MACROD2: variants seen among roughly 807,000 people sequenced by gnomAD.
The protein encoded by MACROD2 is ADP-ribose glycohydrolase MACROD2.
A neutral mutation model predicts 70.4 loss-of-function variants in MACROD2; 36 were observed. The ratio of observed to expected loss-of-function variants is 0.51; its 90% CI spans 0.39 to 0.68. The LOEUF (loss-of-function observed/expected upper bound fraction) is 0.68. Among genes scored for constraint, MACROD2 ranks in the 30% least tolerant of loss-of-function variants. MACROD2 has a pLI of 0.00. For missense variants in MACROD2, 496 were observed against 538.4 expected, an observed-to-expected ratio of 0.92 and a Z score of 0.78; for synonymous variants, 172 against 178.8, an observed-to-expected ratio of 0.96 and a Z score of 0.30.
At chr20:14,971,611 C>T (rs1362251464) in intron 5 of MACROD2, among the ~76,000 whole-genome samples, 1 of 152,004 alleles carries the variant, frequency 6.6e-6, no homozygotes, top group African/African-American at 2.4e-5. Flanking sequence ...GGGCAGGTCT[C>T]ACTTGGGGTC....
intron 4 of MACROD2, among the ~76,000 whole-genome samples, chr20:14,666,021 T>TA (rs888364712): frequency 6.6e-6 from 1 of 152,096 alleles, no homozygotes; most frequent in Non-Finnish European, 1.5e-5. Flanking sequence ...ATATGCTTTT[T>TA]AAAAAAACCC....
At chr20:15,557,665 A>G (rs1568890606) in intron 8 of MACROD2, among the ~76,000 whole-genome samples, 1 of 152,344 alleles carries the variant, frequency 6.6e-6, no homozygotes, top group South Asian at 2.1e-4. Context: ...ATGGTCACAC[A>G]TGTTTACTAT....
intron 4 of MACROD2, among the ~76,000 whole-genome samples, chr20:14,637,260 T>C (rs1472322592): frequency 1.3e-5 from 2 of 152,186 alleles, no homozygotes; most frequent in Non-Finnish European, 2.9e-5. Flanking sequence ...TACTGGTATA[T>C]GTGTCTCCAG....
chr20:15,430,538 C>T (rs901763172), intron 6 of MACROD2, among the ~76,000 whole-genome samples: 2 of 151,998 alleles, frequency 1.3e-5, no homozygotes, highest in Non-Finnish European at 2.9e-5. Flanking sequence ...TTGCCATACC[C>T]AGACCACTTT....
At chr20:15,154,991 C>G (rs548862070) in intron 5 of MACROD2, among the ~76,000 whole-genome samples, 2 of 152,140 alleles carry the variant, frequency 1.3e-5, no homozygotes, top group South Asian at 4.1e-4. Flanking sequence ...TGGCTGAAAT[C>G]TAGGCTGAAT....
At chr20:15,772,142 C>A (rs1419619281) in intron 8 of MACROD2, among the ~76,000 whole-genome samples, 14 of 136,294 alleles carry the variant, frequency 1.0e-4, no homozygotes, top group African/African-American at 3.2e-4. Flanking sequence ...CTTTTGTATT[C>A]AATGAGGCCA....
At chr20:14,547,159 C>G (rs1267208912) in intron 4 of MACROD2, 5 of 239,126 alleles carry the variant, frequency 2.1e-5, no homozygotes, top group Non-Finnish European at 4.0e-5. Context: ...ATGTGGTTCA[C>G]TCGAAGTCAG....
intron 4 of MACROD2, chr20:14,547,619 G>A (rs944728704): frequency 6.5e-6 from 1 of 153,504 alleles, no homozygotes; most frequent in Non-Finnish European, 1.5e-5. Context: ...GATGTCATCC[G>A]AGGAGTGGAA....
At chr20:15,390,448 A>G (rs538918512) in intron 6 of MACROD2, among the ~76,000 whole-genome samples, 4 of 152,256 alleles carry the variant, frequency 2.6e-5, no homozygotes, top group Non-Finnish European at 5.9e-5. Flanking sequence ...TTCTCTCACC[A>G]CTAGAATCTA....
At chr20:15,480,265 C>T (rs746454887) in intron 7 of MACROD2, among the ~76,000 whole-genome samples, 4 of 152,100 alleles carry the variant, frequency 2.6e-5, no homozygotes, top group Admixed American at 6.6e-5. Flanking sequence ...CCCCTTAAAA[C>T]TGGCCAAATG....
chr20:15,572,403 A>G (rs1293291740), intron 8 of MACROD2, among the ~76,000 whole-genome samples: 1 of 151,946 alleles, frequency 6.6e-6, no homozygotes, highest in East Asian at 1.9e-4. Flanking sequence ...AAAATTAACC[A>G]TTTCTCATAT....
intron 8 of MACROD2, among the ~76,000 whole-genome samples, chr20:15,812,139 G>T (rs1210430591): frequency 6.6e-6 from 1 of 152,230 alleles, no homozygotes; most frequent in Non-Finnish European, 1.5e-5. Context: ...AGCTGCTTAT[G>T]AGATTGTAAA....
intron 8 of MACROD2, among the ~76,000 whole-genome samples, chr20:15,636,977 T>A (rs905292863): frequency 6.6e-6 from 1 of 152,206 alleles, no homozygotes; most frequent in Admixed American, 6.5e-5. Context: ...GCCACTTCAC[T>A]GCTGAAGGTG....
At chr20:14,757,793 C>G in intron 5 of MACROD2, 1 of 1,531,730 alleles carries the variant, frequency 6.5e-7, no homozygotes, top group South Asian at 1.1e-5. Flanking sequence ...TATCCAGTAT[C>G]TCCGTGATTA....
chr20:14,844,469 A>G (rs2088343549), intron 5 of MACROD2, among the ~76,000 whole-genome samples: 1 of 151,966 alleles, frequency 6.6e-6, no homozygotes, highest in African/African-American at 2.4e-5. Context: ...GTGAGCCAAG[A>G]TGGCGCCACT....
intron 6 of MACROD2, among the ~76,000 whole-genome samples, chr20:15,426,145 A>G (rs978481520): frequency 6.7e-6 from 1 of 149,474 alleles, no homozygotes; most frequent in Non-Finnish European, 1.5e-5. Context: ...TCCCTCCACT[A>G]TTGTCCTATG....
chr20:15,271,461 C>T (rs915041190), intron 6 of MACROD2, among the ~76,000 whole-genome samples: 3 of 152,130 alleles, frequency 2.0e-5, no homozygotes, highest in African/African-American at 7.2e-5. Flanking sequence ...AATCTCTTTC[C>T]AAAAACAGAA....
chr20:14,489,139 C>T (rs1294129285), intron 3 of MACROD2, among the ~76,000 whole-genome samples: 4 of 152,184 alleles, frequency 2.6e-5, no homozygotes, highest in African/African-American at 9.7e-5. Context: ...TGCCTGGTTT[C>T]TACATGTGAA....
intron 2 of MACROD2, among the ~76,000 whole-genome samples, chr20:14,007,480 G>A (rs1354027461): frequency 6.6e-6 from 1 of 152,144 alleles, no homozygotes; most frequent in Non-Finnish European, 1.5e-5. Context: ...ATATACGTGT[G>A]TGTTTGTGCA....
Sources: gnomAD v4.1 joint callset for allele counts (sites outside exome capture counted in the v4.1 genomes callset) on GRCh38, gnomAD v4.1.1 for gene constraint, MANE v1.5 for transcripts, NCBI Gene and HGNC (gene_info 2026-07-23, HGNC 2026-07-21) for gene names.